SUCLG2: variants seen among roughly 807,000 people sequenced by gnomAD.
SUCLG2 encodes the protein succinate-CoA ligase GDP-forming subunit beta.
Under a neutral mutation model 47.9 loss-of-function variants are expected in SUCLG2, and 42 were observed. That is an observed-to-expected ratio of 0.88 (90% CI 0.69 to 1.14). SUCLG2 has a LOEUF of 1.14. Ranked by LOEUF, SUCLG2 falls within the 50% of genes most tolerant of loss-of-function variation. The pLI is 0.00. For synonymous variants in SUCLG2, 195 were observed against 197.3 expected (o/e 0.99, Z 0.10); for missense variants, 571 against 525.9 (o/e 1.09, Z -0.84).
At chr3:67,376,128 T>A in intron 10 of SUCLG2, 4 of 985,308 alleles carry the variant, frequency 4.1e-6, no homozygotes, top group Non-Finnish European at 3.6e-6. Context: ...CTGCTGATAA[T>A]CACAGCCATG....
At chr3:67,461,559 G>A (rs1195979171) in intron 9 of SUCLG2, among the ~76,000 whole-genome samples, 1 of 151,660 alleles carries the variant, frequency 6.6e-6, no homozygotes, top group East Asian at 1.9e-4. Flanking sequence ...TCTAGTACTA[G>A]TACTAGTACT....
intron 6 of SUCLG2, among the ~76,000 whole-genome samples, chr3:67,515,419 T>C (rs1705918387): frequency 1.3e-5 from 2 of 152,208 alleles, no homozygotes; most frequent in Non-Finnish European, 2.9e-5. Flanking sequence ...GAGACTTTGG[T>C]TGGGAACAAA....
chr3:67,620,123 A>G (rs1021511108), intron 1 of SUCLG2, among the ~76,000 whole-genome samples: 1 of 152,190 alleles, frequency 6.6e-6, no homozygotes, highest in African/African-American at 2.4e-5. Context: ...TGCATCCATA[A>G]TGTGGTCACT....
intron 7 of SUCLG2, among the ~76,000 whole-genome samples, chr3:67,499,826 G>A (rs1420123312): frequency 6.6e-6 from 1 of 151,996 alleles, no homozygotes. Context: ...CCACCTCCCA[G>A]GTTCAAGCGA....
At chr3:67,594,410 G>A (rs537043735) in intron 2 of SUCLG2, among the ~76,000 whole-genome samples, 4 of 152,200 alleles carry the variant, frequency 2.6e-5, no homozygotes, top group Admixed American at 2.6e-4. Context: ...AATTGATAAA[G>A]CTGTTTCTAG....
chr3:67,580,063 TTATG>T (rs1471972929), intron 2 of SUCLG2, among the ~76,000 whole-genome samples: 4 of 152,186 alleles, frequency 2.6e-5, no homozygotes, highest in African/African-American at 9.7e-5. Context: ...CTCAATATAT[TTATG>T]TTTTATGGTT....
intron 1 of SUCLG2, among the ~76,000 whole-genome samples, chr3:67,613,285 A>G (rs1480496014): frequency 6.6e-6 from 1 of 152,202 alleles, no homozygotes; most frequent in Non-Finnish European, 1.5e-5. Flanking sequence ...AGTGGACTCC[A>G]ACCACTAGTC....
At chr3:67,497,164 C>G (rs1295285197) in intron 8 of SUCLG2, among the ~76,000 whole-genome samples, 2 of 152,156 alleles carry the variant, frequency 1.3e-5, no homozygotes, top group African/African-American at 4.8e-5. Flanking sequence ...CAATACAAAG[C>G]AAGAGCTTTT....
intron 5 of SUCLG2, among the ~76,000 whole-genome samples, chr3:67,519,406 T>G (rs181342372): frequency 6.6e-6 from 1 of 152,362 alleles, no homozygotes. Flanking sequence ...TATTTTAATG[T>G]GTAACATTAG....
chr3:67,493,982 G>A (rs932965776), intron 9 of SUCLG2, among the ~76,000 whole-genome samples: 7 of 152,136 alleles, frequency 4.6e-5, no homozygotes, highest in Non-Finnish European at 1.0e-4. Flanking sequence ...ATTCCTGAAC[G>A]GCACTGGAGA....
chr3:67,639,425 T>C (rs1200184520), intron 1 of SUCLG2, among the ~76,000 whole-genome samples: 1 of 149,992 alleles, frequency 6.7e-6, no homozygotes, highest in Non-Finnish European at 1.5e-5. Context: ...ACATGTCACA[T>C]TAGCCATGGA....
At chr3:67,615,792 C>G (rs940591819) in intron 1 of SUCLG2, among the ~76,000 whole-genome samples, 3 of 152,096 alleles carry the variant, frequency 2.0e-5, no homozygotes, top group African/African-American at 7.2e-5. Flanking sequence ...ATTCTCTGAC[C>G]TGGAAAGTCT....
In SUCLG2 at chr3:67,374,813, A is replaced by G; in HGVS notation, c.*931T>C. The stretch of plus-strand genomic sequence containing the variant: ...TTTTATCCAAATCCTTTCCCACAAC[A>G]AAATTGGACATCATGGAAAAAAAAA... On this transcript the variant is annotated 3_prime_UTR_variant, in exon 11 of 11. Coordinates refer to ENST00000307227, the MANE Select transcript of SUCLG2 (RefSeq NM_003848.4). 1 of 972,866 alleles carries G rather than the reference A, an allele frequency of 1.0e-6. No individual in the cohort carries two copies. The allele number at this position is 972,866 out of a possible 1,614,324, so 60.3% of individuals were successfully genotyped here.
intron 9 of SUCLG2, among the ~76,000 whole-genome samples, chr3:67,414,901 G>A (rs147763301): frequency 6.6e-6 from 1 of 152,238 alleles, no homozygotes; most frequent in East Asian, 1.9e-4. Context: ...TGTTGCCCAG[G>A]CTGGAGTGCA....
At chr3:67,654,160 C>A (rs951314996) in intron 1 of SUCLG2, among the ~76,000 whole-genome samples, 3 of 152,256 alleles carry the variant, frequency 2.0e-5, no homozygotes, top group Non-Finnish European at 4.4e-5. Context: ...GACAATAAAA[C>A]CTCAGGGCTC....
At chr3:67,469,354 G>C (rs1241822323) in intron 9 of SUCLG2, among the ~76,000 whole-genome samples, 1 of 152,186 alleles carries the variant, frequency 6.6e-6, no homozygotes, top group East Asian at 1.9e-4. Flanking sequence ...AAAGATCAAG[G>C]AGAGGATACC....
At chr3:67,595,913 A>C (rs1708282453) in intron 2 of SUCLG2, among the ~76,000 whole-genome samples, 1 of 152,252 alleles carries the variant, frequency 6.6e-6, no homozygotes, top group Non-Finnish European at 1.5e-5. Context: ...TGTCTTGAAA[A>C]GGAAAAGAAT....
chr3:67,612,084 C>T (rs528872363), intron 1 of SUCLG2, among the ~76,000 whole-genome samples: 29 of 152,270 alleles, frequency 1.9e-4, no homozygotes, highest in Middle Eastern at 3.4e-3. Context: ...TGTGGGCAGG[C>T]GCAGTGGTTC....
chr3:67,455,393 C>T (rs1235348828), intron 9 of SUCLG2, among the ~76,000 whole-genome samples: 1 of 152,064 alleles, frequency 6.6e-6, no homozygotes, highest in African/African-American at 2.4e-5. Context: ...GCATAAATCA[C>T]CATAAGCATC....
Sources: allele counts gnomAD v4.1 joint callset (sites outside exome capture counted in the v4.1 genomes callset), GRCh38; gene constraint gnomAD v4.1.1; transcripts MANE v1.5; gene names NCBI Gene and HGNC (gene_info 2026-07-23, HGNC 2026-07-21).